The following COL5A2 variants were observed in gnomAD, a reference collection of about 807,000 sequenced individuals.
COL5A2 encodes collagen type V alpha 2 chain.
Under a neutral mutation model 208.2 loss-of-function variants are expected in COL5A2, and 23 were observed. That is an observed-to-expected ratio of 0.11 (90% CI 0.08 to 0.16). COL5A2 has a LOEUF of 0.16. Among genes scored for constraint, COL5A2 ranks in the 10% least tolerant of loss-of-function variants. The pLI, the probability that COL5A2 is intolerant of heterozygous loss-of-function variation, is 1.00. For synonymous variants in COL5A2, 625 were observed against 628.5 expected, an observed-to-expected ratio of 0.99 and a Z score of 0.08; for missense variants, 1,590 against 1,956.4, an observed-to-expected ratio of 0.81 and a Z score of 3.53.
chr2:189,145,431 T>C (rs1688019981), intron 1 of COL5A2, among the ~76,000 whole-genome samples: 1 of 152,148 alleles, frequency 6.6e-6, no homozygotes, highest in Non-Finnish European at 1.5e-5. Context: ...ATAATACAAC[T>C]AAGCTTAAAA....
chr2:189,150,291 A>G (rs1688119057), intron 1 of COL5A2, among the ~76,000 whole-genome samples: 1 of 152,204 alleles, frequency 6.6e-6, no homozygotes, highest in African/African-American at 2.4e-5. Flanking sequence ...AATTATATCC[A>G]GAATGCTCTC....
At chr2:189,220,919 C>T (rs377577650) in intron 1 of COL5A2, among the ~76,000 whole-genome samples, 7 of 152,130 alleles carry the variant, frequency 4.6e-5, no homozygotes, top group Non-Finnish European at 8.8e-5. Context: ...TATCTCTTCC[C>T]TCTAAAATAT....
intron 31 of COL5A2, 80 bp from the exon 32 acceptor site, chr2:189,058,973 C>A (rs981044073): frequency 1.7e-6 from 2 of 1,143,312 alleles, no homozygotes. Context: ...AGTTCATACA[C>A]CTAGTTTCTA....
At chr2:189,114,931 T>C (rs531899885) in intron 1 of COL5A2, among the ~76,000 whole-genome samples, 95 of 152,198 alleles carry the variant, frequency 6.2e-4, no homozygotes, top group African/African-American at 2.2e-3. Flanking sequence ...GCCAAAACTA[T>C]AATTTTGCAT....
the COL5A2 span, among the ~76,000 whole-genome samples, chr2:189,385,626 A>C: frequency 3.3e-5 from 5 of 152,220 alleles, no homozygotes; most frequent in South Asian, 1.0e-3. Flanking sequence ...AAAAACATCC[A>C]AAAATTCATA....
chr2:189,335,762 G>A, the COL5A2 span, among the ~76,000 whole-genome samples: 1 of 152,020 alleles, frequency 6.6e-6, no homozygotes, highest in Non-Finnish European at 1.5e-5. Flanking sequence ...GGGGGAAAAG[G>A]AGAATGAGGA....
chr2:189,302,862 T>G, the COL5A2 span, among the ~76,000 whole-genome samples: 1 of 152,134 alleles, frequency 6.6e-6, no homozygotes, highest in African/African-American at 2.4e-5. Context: ...CTCAAGGAAC[T>G]CTTACTTTAC....
At chr2:189,156,024 G>A (rs565263969) in intron 1 of COL5A2, among the ~76,000 whole-genome samples, 2 of 152,056 alleles carry the variant, frequency 1.3e-5, no homozygotes, top group South Asian at 2.1e-4. Flanking sequence ...CACATCTTCC[G>A]CCTCTTTCTT....
the COL5A2 span, among the ~76,000 whole-genome samples, chr2:189,256,111 C>T: frequency 6.6e-6 from 1 of 152,142 alleles, no homozygotes; most frequent in Non-Finnish European, 1.5e-5. Flanking sequence ...ACTGAGGATT[C>T]AACAAGGGTT....
At chr2:189,386,285 T>C in the COL5A2 span, among the ~76,000 whole-genome samples, 808 of 152,190 alleles carry the variant, frequency 5.3e-3, 3 homozygotes, top group Non-Finnish European at 9.4e-3. Context: ...TGCAGAAGAA[T>C]GAAACTGGAC....
upstream of COL5A2, among the ~76,000 whole-genome samples, chr2:189,225,582 T>C (rs1465636655): frequency 6.6e-6 from 1 of 152,142 alleles, no homozygotes; most frequent in Non-Finnish European, 1.5e-5. Context: ...CCTGTTTCAT[T>C]TTCCCATTTA....
At chr2:189,233,597 T>A in the COL5A2 span, among the ~76,000 whole-genome samples, 7 of 151,798 alleles carry the variant, frequency 4.6e-5, no homozygotes, top group African/African-American at 1.7e-4. Flanking sequence ...AACTCAATAT[T>A]TTCTTTAATG....
In COL5A2 at chr2:189,048,114, G is replaced by C. The variant is rs180913360; in HGVS notation, c.3201+95C>G. ...TATTCAGAAAAATCAGAAGTGTATTGGAACTATCAGGAAAAATGACAGTTT... is the reference window on the plus strand; with the variant it reads ...TATTCAGAAAAATCAGAAGTGTATTCGAACTATCAGGAAAAATGACAGTTT... On this transcript the variant is annotated intron_variant, in intron 45 of 53. Transcript: ENST00000374866. 477 of 1,096,430 alleles carry C rather than the reference G, an allele frequency of 4.4e-4. 1 individual carries two copies. The highest frequency in any genetic ancestry group is 9.0e-5 in the Non-Finnish European group (65 of 718,620). 67.9% of individuals were successfully genotyped at this position (1,096,430 alleles called of 1,614,324 possible).
At chr2:189,239,811 G>C in the COL5A2 span, among the ~76,000 whole-genome samples, 54 of 151,754 alleles carry the variant, frequency 3.6e-4, no homozygotes, top group Non-Finnish European at 6.0e-4. Context: ...GACAGAAGAG[G>C]GGGCCACAAG....
intron 17 of COL5A2, 122 bp downstream of exon 17, chr2:189,075,271 T>C (rs1576509949): frequency 1.4e-6 from 1 of 697,748 alleles, no homozygotes; most frequent in South Asian, 1.6e-5. Flanking sequence ...GTACTATGTG[T>C]CCATCAACTT....
Position 189,058,422 on chromosome 2 carries a change from C to T in COL5A2, c.2229+7G>A. On this transcript the variant is annotated splice_region_variant and intron_variant, in intron 33 of 53. Coordinates refer to ENST00000374866, the MANE Select transcript of COL5A2 (RefSeq NM_000393.5). ...TTTTAAAACACTGAGATCACTATGA[C>T]ACTTACTTTTGGGCCATCAGGACCA... The T allele has an allele frequency of 6.2e-7, 1 of 1,609,016 alleles. No individual in the cohort carries two copies. Among genetic ancestry groups the T allele is most frequent in the African/African-American group, 1.3e-5 (1 of 74,934 alleles).
the COL5A2 span, among the ~76,000 whole-genome samples, chr2:189,241,089 A>G: frequency 6.6e-6 from 1 of 152,172 alleles, no homozygotes; most frequent in East Asian, 1.9e-4. Flanking sequence ...TCAATCTTCT[A>G]TAATGTTCAA....
intron 1 of COL5A2, among the ~76,000 whole-genome samples, chr2:189,207,715 A>G (rs1689158785): frequency 6.6e-6 from 1 of 152,194 alleles, no homozygotes; most frequent in African/African-American, 2.4e-5. Context: ...TACTCCACTT[A>G]GCAGAGCAAT....
intron 1 of COL5A2, among the ~76,000 whole-genome samples, chr2:189,145,590 G>A (rs551812350): frequency 6.6e-6 from 1 of 152,060 alleles, no homozygotes; most frequent in South Asian, 2.1e-4. Flanking sequence ...CTATTATATT[G>A]CCTAGATCAT....
Sources: gnomAD v4.1 joint callset for allele counts (sites outside exome capture counted in the v4.1 genomes callset) on GRCh38, gnomAD v4.1.1 for gene constraint, MANE v1.5 for transcripts, NCBI Gene and HGNC (gene_info 2026-07-23, HGNC 2026-07-21) for gene names.